The following EFCC1 variants were observed in gnomAD, a reference collection of about 807,000 sequenced individuals.
EFCC1 encodes the protein EF-hand and coiled-coil domain-containing protein 1.
EFCC1 carries 50 observed loss-of-function variants against 52.1 expected under a neutral mutation model. The ratio of observed to expected loss-of-function variants is 0.96; its 90% CI spans 0.76 to 1.21. The LOEUF is 1.21. Among genes scored for constraint, EFCC1 ranks in the 50% most tolerant of loss-of-function variants. EFCC1 has a pLI of 0.00. For synonymous variants in EFCC1, 399 were observed against 396.5 expected (o/e 1.01, Z -0.08); for missense variants, 837 against 867.3 (o/e 0.97, Z 0.44).
chr3:129,035,924 T>C (rs996410593), intron 5 of EFCC1, among the ~76,000 whole-genome samples: 12 of 152,358 alleles, frequency 7.9e-5, no homozygotes, highest in African/African-American at 2.9e-4. Context: ...TGAACACTTG[T>C]GGTGAGTGCT....
In EFCC1 at chr3:129,039,793, C is replaced by T. The variant is rs992938176; in HGVS notation, c.1745C>T (p.Ser582Leu). 6.8e-6 allele frequency: 11 copies of T among 1,612,240 alleles called. No individual in the cohort carries two copies. The highest frequency in any genetic ancestry group is 1.1e-5 in the South Asian group (1 of 90,844). ...TGCCAGCTGTTGCGGAGACAGCCCT[C>T]GGCACCAGCCTCTGCAGCAGCTGCG... Reference protein sequence around the residue: ...AACQLLRRQPSAPASAAAALT... With the variant: ...AACQLLRRQPLAPASAAAALT... Residue 582 changes from serine (S) to leucine (L), a missense_variant, in exon 8 of 8, where the codon TCG (serine) becomes TTG (leucine). Coordinates refer to ENST00000683648, the MANE Select transcript of EFCC1 (RefSeq NM_001377500.1).
At chr3:129,013,247 GA>G (rs150967010) in intron 2 of EFCC1, among the ~76,000 whole-genome samples, 2,825 of 152,116 alleles carry the variant, frequency 0.019, 93 homozygotes, top group African/African-American at 0.064. Context: ...GTCTTGTGTA[GA>G]AAAAAATGAC....
chr3:129,036,769 C>T (rs1018370853), intron 5 of EFCC1, among the ~76,000 whole-genome samples: 14 of 152,218 alleles, frequency 9.2e-5, no homozygotes, highest in Non-Finnish European at 1.8e-4. Flanking sequence ...GAAACAAAAC[C>T]AGAGAAGAGA....
chr3:129,037,063 G>T lies in EFCC1; in HGVS notation c.1539G>T (p.Leu513=). Residue 513 remains leucine (L), a synonymous_variant, in exon 6 of 8, where the codon CTG becomes CTT. Transcript: ENST00000683648. ...AGACCGAGAGGGTGCGGCTGTCCCT[G>T]CTGGAGGAGAAGCTGGTGGACGTGC... is the stretch of plus-strand genomic sequence containing the variant. The part of the protein sequence containing the change: ...MVETERVRLS[L]LEEKLVDVLQ... The T allele has an allele frequency of 6.2e-7, 1 of 1,613,390 alleles. No individual in the cohort carries two copies. Among genetic ancestry groups the T allele is most frequent in the Non-Finnish European group, 8.5e-7 (1 of 1,179,830 alleles).
chr3:129,023,795 C>T (rs372701411), intron 2 of EFCC1, among the ~76,000 whole-genome samples: 7 of 152,214 alleles, frequency 4.6e-5, no homozygotes, highest in South Asian at 4.1e-4. Context: ...TATCCTATCA[C>T]GTAGGGTCCA....
chr3:129,032,953 A>G lies in EFCC1; in HGVS notation c.1273A>G (p.Ser425Gly), dbSNP rs1403221244. The change falls in exon 4 of 8, where the codon AGC becomes GGC. Residue 425 changes from serine to glycine, a missense_variant. Physicochemically the swap from Ser to Gly is moderately conservative, Grantham distance 56 (BLOSUM62 0). Transcript: ENST00000683648. ...CAAGACACTGCTGGCCCGGCTCTCCAGCTGCAGAGGCAGGTGTGTGGCCCG... is the reference window on the plus strand; with the variant it reads ...CAAGACACTGCTGGCCCGGCTCTCCGGCTGCAGAGGCAGGTGTGTGGCCCG... ...EAKTLLARLS[S>G]CRGRCDDQTA... The G allele has an allele frequency of 6.5e-7, 1 of 1,543,918 alleles. No individual in the cohort carries two copies. The highest frequency in any genetic ancestry group is 1.4e-5 in the African/African-American group (1 of 72,916).
At position 129,004,071 on chromosome 3, in the gene EFCC1, G is replaced by A. The variant is rs1047682690; in HGVS notation, c.974G>A (p.Arg325His). 4.7e-6 allele frequency: 7 copies of A among 1,502,964 alleles called. No individual in the cohort carries two copies. Among genetic ancestry groups the A allele is most frequent in the Non-Finnish European group, 6.2e-6 (7 of 1,132,480 alleles). The allele number at this position is 1,502,964 out of a possible 1,614,324, so 93.1% of individuals were successfully genotyped here. ...CGGCGGCTGGAGGCGGAGCTGCAACGCTACAGGTGAGCGGGGGCGCGTGCC... is the reference window on the plus strand; with the variant it reads ...CGGCGGCTGGAGGCGGAGCTGCAACACTACAGGTGAGCGGGGGCGCGTGCC... ...WVRRLEAELQ[R>H]YRSEDSQLPT... Residue 325 changes from arginine to histidine, a missense_variant, in exon 2 of 8, where the codon CGC (arginine) becomes CAC (histidine). By Grantham distance (29) the Arg-to-His change is conservative. Transcript: ENST00000683648.
intron 2 of EFCC1, among the ~76,000 whole-genome samples, chr3:129,020,880 C>G (rs1456707165): frequency 1.3e-5 from 2 of 152,200 alleles, no homozygotes; most frequent in African/African-American, 4.8e-5. Context: ...GTCCAGTGTG[C>G]TGACCTGGCA....
At chr3:129,017,512 T>G (rs1945640904) in intron 2 of EFCC1, among the ~76,000 whole-genome samples, 1 of 152,162 alleles carries the variant, frequency 6.6e-6, no homozygotes, top group Non-Finnish European at 1.5e-5. Flanking sequence ...CCCGTTCCAG[T>G]GTTGGCAGAA....
chr3:129,002,541 C>A, intron 1 of EFCC1: 2 of 938,052 alleles, frequency 2.1e-6, no homozygotes, highest in South Asian at 2.4e-5. Context: ...TATTCCATTC[C>A]TGAAAACCCC....
intron 2 of EFCC1, among the ~76,000 whole-genome samples, chr3:129,017,660 C>T (rs952115618): frequency 2.0e-5 from 3 of 152,218 alleles, no homozygotes; most frequent in Non-Finnish European, 4.4e-5. Context: ...TCTCACACTT[C>T]ACATCTCTCT....
intron 2 of EFCC1, among the ~76,000 whole-genome samples, chr3:129,020,540 G>A (rs1317514819): frequency 1.3e-5 from 2 of 152,192 alleles, no homozygotes; most frequent in South Asian, 2.1e-4. Flanking sequence ...AGGAGGCTGA[G>A]GTGGGAGGAT....
At chr3:129,038,185 T>C (rs764589078) in intron 6 of EFCC1, among the ~76,000 whole-genome samples, 5 of 152,194 alleles carry the variant, frequency 3.3e-5, no homozygotes, top group Non-Finnish European at 7.3e-5. Context: ...CTATAAGGAC[T>C]AGAAAGAAAG....
rs959906792 is a variant in EFCC1, at chr3:129,001,684, C to A, written c.56C>A (p.Pro19Gln). 2.0e-6 allele frequency: 3 copies of A among 1,481,352 alleles called. No homozygotes were observed. The highest frequency in any genetic ancestry group is 2.9e-5 in the African/African-American group (2 of 68,508). The allele number at this position is 1,481,352 out of a possible 1,614,324, so 91.8% of individuals were successfully genotyped here. The stretch of plus-strand genomic sequence containing the variant: ...GGCATGGAGGGCGCGGGAGGTGACC[C>A]GTACCGGCGACCTGCGCGGCGCACG... ...EAGMEGAGGD[P>Q]YRRPARRTQW... Residue 19 changes from proline to glutamine, a missense_variant, in exon 1 of 8, where the codon CCG becomes CAG. By Grantham distance (76) the Pro-to-Gln change is moderately conservative (BLOSUM62 -1). Transcript: ENST00000683648.
rs376688096 is a variant in EFCC1, at chr3:129,034,113, C to T, written c.1287-51C>T. The T allele has an allele frequency of 4.0e-5, 65 of 1,608,398 alleles. No individual in the cohort carries two copies. In the East Asian group the frequency reaches 8.5e-4, roughly 21 times the overall value. On this transcript the variant is annotated intron_variant, in intron 4 of 7. Transcript: ENST00000683648. ...ACCACCTCTCCAAGGCTGGACAGAG[C>T]GGGCTCTGGGAAGCAGCCCCCTGCA...
intron 2 of EFCC1, among the ~76,000 whole-genome samples, chr3:129,027,868 C>T (rs1470772473): frequency 6.6e-6 from 1 of 151,976 alleles, no homozygotes; most frequent in East Asian, 2.0e-4. Flanking sequence ...ACATGACAAT[C>T]GCTTGAACCC....
chr3:129,017,409 G>T (rs964762501), intron 2 of EFCC1, among the ~76,000 whole-genome samples: 4 of 152,232 alleles, frequency 2.6e-5, no homozygotes, highest in African/African-American at 9.6e-5. Context: ...CCGTAGGCCG[G>T]AAGTCCAGGC....
rs2107926182 is a variant in EFCC1, at chr3:129,025,739, A to T, written c.981-4964A>T. Among the ~76,000 whole-genome samples, 2 of 142,734 alleles carry T rather than the reference A, an allele frequency of 1.4e-5. 1 individual carries two copies. Among genetic ancestry groups the T allele is most frequent in the South Asian group, 4.4e-4 (2 of 4,528 alleles). The allele number at this position is 142,734 out of a possible 152,430, so 93.6% of individuals were successfully genotyped here. A position where few individuals can be genotyped will look rare whatever the true frequency, so the allele number is the denominator to read the frequency against. ...AGTTGAATACTGGTCACTAGACAAC[A>T]GTAGCACACCCCAGGGCTCCCTGAG... is the stretch of plus-strand genomic sequence containing the variant. On this transcript the variant is annotated intron_variant, in intron 2 of 7. Transcript: ENST00000683648.
chr3:129,026,067 T>TGGAGATAATGACCTTACCTGTTATAG (rs1946094177), intron 2 of EFCC1, among the ~76,000 whole-genome samples: 4 of 152,242 alleles, frequency 2.6e-5, no homozygotes, highest in Non-Finnish European at 5.9e-5. Flanking sequence ...CCTCTGTAAA[T>TGGAGATAATGACCTTACCTGTTATAG]GGAGATAATG....
Sources: allele counts gnomAD v4.1 joint callset (sites outside exome capture counted in the v4.1 genomes callset), GRCh38; gene constraint gnomAD v4.1.1; transcripts MANE v1.5; gene names NCBI Gene and HGNC (gene_info 2026-07-23, HGNC 2026-07-21).